Variants in SNX10 observed in about 807,000 individuals in gnomAD.
SNX10 encodes sorting nexin 10.
Under a neutral mutation model 28.5 loss-of-function variants are expected in SNX10, and 25 were observed. That is an observed-to-expected ratio of 0.88 (90% CI 0.64 to 1.22). The LOEUF is 1.22. Ranked by LOEUF, SNX10 falls within the 50% of genes most tolerant of loss-of-function variation. The pLI is 0.00. For missense variants in SNX10, 223 were observed against 242.6 expected (o/e 0.92, Z 0.54); for synonymous variants, 62 against 81.4 (o/e 0.76, Z 1.28).
chr7:26,347,671 G>A (rs1435866839), intron 2 of SNX10, among the ~76,000 whole-genome samples: 1 of 152,174 alleles, frequency 6.6e-6, no homozygotes, highest in Non-Finnish European at 1.5e-5. Flanking sequence ...CCAACATGGG[G>A]AAACCCCATC....
chr7:26,347,226 TC>T lies in SNX10; in HGVS notation c.24+762del, dbSNP rs776639898. Among the ~76,000 whole-genome samples the T allele has an allele frequency of 9.2e-5, 14 of 152,344 alleles. No individual in the cohort carries two copies. In the East Asian group the frequency reaches 1.9e-3, roughly 21 times the overall value. On this transcript the variant is annotated intron_variant, in intron 2 of 6. Transcript: ENST00000338523. ...GAAACCATTTATTTCAGAGAATCTT[TC>T]CAGAAAGTCCTTTGCTAGCTCTCAC...
rs1259562732 is a variant in SNX10, at chr7:26,351,638, G to A, written c.24+5172G>A. 4.9e-5 allele frequency among the ~76,000 whole-genome samples: 7 copies of A among 143,440 alleles called. No homozygotes were observed. The East Asian group carries it at 1.4e-3, about 30-fold the overall frequency. The allele number at this position is 143,440 out of a possible 152,430, so 94.1% of individuals were successfully genotyped here. On this transcript the variant is annotated intron_variant, in intron 2 of 6. Coordinates refer to ENST00000338523, the MANE Select transcript of SNX10 (RefSeq NM_013322.3). ...ATTAGGTGAAAACTAAAGCAATCAA[G>A]CAGTCTGGTTTTTTTTTTTTGTTTT...
At chr7:26,341,685 A>C (rs1584141664) in intron 1 of SNX10, among the ~76,000 whole-genome samples, 1 of 152,038 alleles carries the variant, frequency 6.6e-6, no homozygotes, top group Non-Finnish European at 1.5e-5. Flanking sequence ...GGGTTTCACC[A>C]TATTGGTCAG....
At chr7:26,338,272 A>T (rs1261680350) in intron 1 of SNX10, among the ~76,000 whole-genome samples, 3 of 151,998 alleles carry the variant, frequency 2.0e-5, no homozygotes. Context: ...ACATGCCACC[A>T]TGTCTGGCTA....
chr7:26,330,939 C>CT (rs368270190), intron 1 of SNX10, among the ~76,000 whole-genome samples: 5 of 152,188 alleles, frequency 3.3e-5, no homozygotes, highest in African/African-American at 9.6e-5. Flanking sequence ...CACTTGAGCC[C>CT]TGGAATTCAA....
intron 1 of SNX10, among the ~76,000 whole-genome samples, chr7:26,301,566 G>C (rs1786368624): frequency 6.6e-6 from 1 of 152,220 alleles, no homozygotes. Context: ...TGTCCAAGGA[G>C]TGTGACAAGG....
At chr7:26,314,592 A>G (rs1424928187) in intron 1 of SNX10, among the ~76,000 whole-genome samples, 1 of 152,194 alleles carries the variant, frequency 6.6e-6, no homozygotes, top group Non-Finnish European at 1.5e-5. Flanking sequence ...GAGATTTAGC[A>G]ACTATTTCCG....
At chr7:26,321,376 A>G (rs1374771930) in intron 1 of SNX10, among the ~76,000 whole-genome samples, 3 of 152,230 alleles carry the variant, frequency 2.0e-5, no homozygotes, top group African/African-American at 7.2e-5. Context: ...GAATAAAGCC[A>G]GTCTTGGTTT....
rs1188424564 is a variant in SNX10, at chr7:26,364,618, A to G, written c.195A>G (p.Gln65=). ...TCGTGTGGCTGAGGCAGAGACTCCA[A>G]AGTAATGCGTTGCTGGTGTAAGTGA... ...REFVWLRQRL[Q]SNALLVQLPE... Residue 65 remains glutamine, a synonymous_variant, in exon 4 of 7, where the codon CAA becomes CAG. Coordinates refer to ENST00000338523, the MANE Select transcript of SNX10 (RefSeq NM_013322.3). This position sits in a 1 kb window ranked among gnomAD's most constrained non-coding sequence, Gnocchi z 4.9. The G allele has an allele frequency of 6.2e-7, 1 of 1,612,612 alleles. No homozygotes were observed. The highest frequency in any genetic ancestry group is 1.7e-4 in the Middle Eastern group (1 of 6,060).
At chr7:26,297,140 A>G (rs1433673247) in intron 1 of SNX10, among the ~76,000 whole-genome samples, 2 of 152,224 alleles carry the variant, frequency 1.3e-5, no homozygotes, top group Non-Finnish European at 2.9e-5. Context: ...TCTGTCGCCC[A>G]AGCTGGAGTG....
intron 2 of SNX10, among the ~76,000 whole-genome samples, chr7:26,351,675 G>C (rs1279771313): frequency 1.9e-5 from 1 of 52,384 alleles, no homozygotes; most frequent in African/African-American, 8.8e-5. Flanking sequence ...TTTTTTTTTT[G>C]AGACCGAGTC....
chr7:26,356,934 C>A (rs996145129), intron 2 of SNX10: 2 of 314,808 alleles, frequency 6.4e-6, no homozygotes, highest in African/African-American at 4.3e-5. Flanking sequence ...CCCAAGAACC[C>A]AAGTAGATGA....
chr7:26,305,104 G>A (rs11505457), intron 1 of SNX10, among the ~76,000 whole-genome samples: 1,741 of 152,262 alleles, frequency 0.011, 30 homozygotes, highest in African/African-American at 0.039. Flanking sequence ...ACTACCATGT[G>A]TTTTGTTAGT....
chr7:26,349,693 A>G (rs1241908137), intron 2 of SNX10, among the ~76,000 whole-genome samples: 2 of 152,228 alleles, frequency 1.3e-5, no homozygotes, highest in Non-Finnish European at 2.9e-5. Context: ...GTTTAATGAG[A>G]CAGAACCCAG....
At chr7:26,351,744 CCTCCCGGGTTCACACCATT>C (rs1176452571) in intron 2 of SNX10, among the ~76,000 whole-genome samples, 1 of 149,882 alleles carries the variant, frequency 6.7e-6, no homozygotes, top group Non-Finnish European at 1.5e-5. Flanking sequence ...GCAAGCTCCA[CCTCCCGGGTTCACACCATT>C]CTCCTGCCTC....
chr7:26,350,826 C>T lies in SNX10; in HGVS notation c.24+4360C>T, dbSNP rs749332189. 3.9e-5 allele frequency among the ~76,000 whole-genome samples: 6 copies of T among 152,342 alleles called. No homozygotes were observed. In the South Asian group the frequency reaches 1.2e-3, roughly 32 times the overall value. On this transcript the variant is annotated intron_variant, in intron 2 of 6. Coordinates refer to ENST00000338523, the MANE Select transcript of SNX10 (RefSeq NM_013322.3). Reference sequence around the variant, plus strand: ...GGCAGCTGGGAATATTGTCTTCACACATACACACCAGGTTTCAGAGAAGGC... The same window carrying T: ...GGCAGCTGGGAATATTGTCTTCACATATACACACCAGGTTTCAGAGAAGGC...
intron 5 of SNX10, among the ~76,000 whole-genome samples, chr7:26,365,822 G>A (rs377106683): frequency 4.1e-5 from 6 of 147,608 alleles, no homozygotes; most frequent in African/African-American, 1.2e-4. Context: ...CAGGCTACCT[G>A]AGTTCAGATC....
At chr7:26,298,412 G>T (rs1786192571) in intron 1 of SNX10, among the ~76,000 whole-genome samples, 1 of 152,174 alleles carries the variant, frequency 6.6e-6, no homozygotes, top group African/African-American at 2.4e-5. Context: ...TAAAAACCAT[G>T]AAACCTTTTT....
In SNX10 at chr7:26,364,821, G is replaced by C. The variant is rs1302313209; in HGVS notation, c.212+186G>C. Among the ~76,000 whole-genome samples the C allele has an allele frequency of 6.6e-6, 1 of 152,078 alleles. No individual in the cohort carries two copies. The highest frequency in any genetic ancestry group is 6.6e-5 in the Admixed American group (1 of 15,266). ...TTATCACTTAAATTTCACCAACTTT[G>C]ATGGGTATAGGCCATGAAAGGCCTC... On this transcript the variant is annotated intron_variant, in intron 4 of 6. Coordinates refer to ENST00000338523, the MANE Select transcript of SNX10 (RefSeq NM_013322.3). The surrounding 1 kb of genome is among the most constrained non-coding windows in gnomAD (Gnocchi z 4.9).
Sources: gnomAD v4.1 joint callset for allele counts (sites outside exome capture counted in the v4.1 genomes callset) on GRCh38, gnomAD v4.1.1 for gene constraint, Gnocchi (gnomAD v3.1) non-coding constraint, MANE v1.5 for transcripts, NCBI Gene and HGNC (gene_info 2026-07-23, HGNC 2026-07-21) for gene names.